LRRC37A3: variants seen among roughly 807,000 people sequenced by gnomAD.
The protein encoded by LRRC37A3 is leucine rich repeat containing 37 member A3.
Under a neutral mutation model 106.2 loss-of-function variants are expected in LRRC37A3, and 25 were observed. The observed-to-expected ratio is 0.24, with a 90% CI of 0.17 to 0.33. LRRC37A3 has a LOEUF of 0.33. LRRC37A3 is among the 10% of genes least tolerant of loss of function. The pLI is 1.00. For synonymous variants in LRRC37A3, 305 were observed against 635.8 expected, an observed-to-expected ratio of 0.48 and a Z score of 7.83; for missense variants, 712 against 1,644.9, an observed-to-expected ratio of 0.43 and a Z score of 9.81.
chr17:64,875,167 C>T (rs567016831), intron 8 of LRRC37A3, among the ~76,000 whole-genome samples: 2 of 152,230 alleles, frequency 1.3e-5, no homozygotes, highest in South Asian at 4.1e-4. Flanking sequence ...GTCTCAGCTA[C>T]CCAGGAGGCT....
intron 6 of LRRC37A3, among the ~76,000 whole-genome samples, chr17:64,887,583 A>T (rs1973866665): frequency 4.3e-5 from 2 of 46,358 alleles, no homozygotes; most frequent in Non-Finnish European, 8.2e-5. Context: ...AGCCACTTCA[A>T]TATCAGAAGA....
intron 2 of LRRC37A3, chr17:64,909,699 G>C (rs1482556553): frequency 6.6e-6 from 1 of 152,386 alleles, no homozygotes; most frequent in Non-Finnish European, 1.5e-5. Flanking sequence ...GATGCCTCAG[G>C]AGGCACGATT....
intron 13 of LRRC37A3, among the ~76,000 whole-genome samples, chr17:64,856,205 G>A (rs536257002): frequency 1.3e-5 from 2 of 152,008 alleles, no homozygotes; most frequent in Non-Finnish European, 2.9e-5. Context: ...TTTACTTAGC[G>A]ACAGGATTGC....
In LRRC37A3 at chr17:64,860,201, G is replaced by A. The variant is rs1320604973; in HGVS notation, c.3945C>T (p.Thr1315=). 2.5e-6 allele frequency: 4 copies of A among 1,613,958 alleles called. No homozygotes were observed. The African/African-American group carries it at 5.3e-5, about 22-fold the overall frequency. The change falls in exon 12 of 15, where the codon ACC becomes ACT. Residue 1315 remains threonine, a synonymous_variant. Coordinates refer to ENST00000584306, the MANE Select transcript of LRRC37A3 (RefSeq NM_199340.5). The part of the protein sequence containing the change: ...YRFHKTRSRM[T]HRTPKVKKSP... ...TCTTTTTGACCTTGGGTGTTCTGTG[G>A]GTCATGCGGGAGCGAGTTTTGTGAA...
chr17:64,868,127 C>T (rs1021840341), intron 10 of LRRC37A3, among the ~76,000 whole-genome samples: 14 of 152,178 alleles, frequency 9.2e-5, no homozygotes, highest in African/African-American at 2.2e-4. Flanking sequence ...CAAGAGGCTA[C>T]GTGCTATATG....
intron 8 of LRRC37A3, among the ~76,000 whole-genome samples, chr17:64,872,210 C>CAAAAAAAAAAAAA (rs60703427): frequency 1.6e-5 from 1 of 61,864 alleles, no homozygotes; most frequent in Non-Finnish European, 3.5e-5. Context: ...AAAAAATAGC[C>CAAAAAAAAAAAAA]AAAAAAAAAA....
rs756384249 is a variant in LRRC37A3 at position 64,860,458 on chromosome 17, C to T, written c.3688G>A (p.Ala1230Thr). The T allele has an allele frequency of 4.2e-5, 67 of 1,613,740 alleles. No homozygotes were observed. The highest frequency in any genetic ancestry group is 2.3e-4 in the South Asian group (21 of 91,060). ...GTGAACGAAGGCTTGGTGTAGACGG[C>T]GTTTCCCGCTAACTTCTCAGGCCCC... ...QQGPEKLAGN[A>T]VYTKPSFTQE... The change falls in exon 12 of 15, where the codon GCC becomes ACC. Residue 1230 changes from alanine to threonine, a missense_variant. By Grantham distance (58) the Ala-to-Thr change is moderately conservative. Transcript: ENST00000584306.
chr17:64,869,121 G>C lies in LRRC37A3; in HGVS notation c.2952C>G (p.Leu984=), dbSNP rs751073870. Residue 984 remains leucine, a synonymous_variant, in exon 9 of 15, where the codon CTC becomes CTG. Transcript: ENST00000584306. ...GATATTTTAATGCTGGCAATTTAAA[G>C]AGATATGGATCTTCAACAGTTGTCA... ...NPLTTVEDPY[L]FKLPALKYLD... 2.5e-6 allele frequency: 4 copies of C among 1,612,708 alleles called. No individual in the cohort carries two copies. The highest frequency in any genetic ancestry group is 2.2e-5 in the East Asian group (1 of 44,782).
intron 8 of LRRC37A3, among the ~76,000 whole-genome samples, chr17:64,874,073 CAAT>C (rs1973415238): frequency 6.6e-6 from 1 of 152,156 alleles, no homozygotes; most frequent in Non-Finnish European, 1.5e-5. Context: ...AAGGGATCCT[CAAT>C]AAGATTAATA....
chr17:64,884,340 C>T (rs376780538), intron 8 of LRRC37A3, among the ~76,000 whole-genome samples: 1,966 of 150,264 alleles, frequency 0.013, 41 homozygotes, highest in African/African-American at 0.045. Context: ...TAGATGATGA[C>T]GATGATGATT....
chr17:64,857,145 A>T (rs567109914), intron 13 of LRRC37A3, among the ~76,000 whole-genome samples: 1 of 152,386 alleles, frequency 6.6e-6, no homozygotes, highest in South Asian at 2.1e-4. Flanking sequence ...ACTGGAAGTA[A>T]TGAGGATTCA....
At chr17:64,859,109 A>T (rs1478566164) in intron 12 of LRRC37A3, among the ~76,000 whole-genome samples, 2 of 151,892 alleles carry the variant, frequency 1.3e-5, no homozygotes, top group African/African-American at 2.4e-5. Flanking sequence ...CGTGTCATCA[A>T]CCCAGCTAAT....
At chr17:64,919,398 G>C (rs1205150787) in intron 1 of LRRC37A3, 33 bp downstream of exon 1, 1 of 426,626 alleles carries the variant, frequency 2.3e-6, no homozygotes, top group African/African-American at 2.1e-5. Context: ...CGGTTGGAGG[G>C]AGAAGGCTCA....
chr17:64,860,661 T>C lies in LRRC37A3; in HGVS notation c.3485A>G (p.Gln1162Arg). ...AKIQTVGKNR[Q>R]RLNRVLMGPR... The stretch of plus-strand genomic sequence containing the variant: ...GCCCATGAGGACTCTATTCAGTCTC[T>C]GCCGGTTTTTGCCTACAGTTTGAAT... The change falls in exon 12 of 15, where the codon CAG becomes CGG. Residue 1162 changes from glutamine to arginine, a missense_variant. Gln to Arg is a conservative substitution (Grantham distance 43). Coordinates refer to ENST00000584306, the MANE Select transcript of LRRC37A3 (RefSeq NM_199340.5). The C allele has an allele frequency of 6.2e-7, 1 of 1,614,040 alleles. No homozygotes were observed. Among genetic ancestry groups the C allele is most frequent in the African/African-American group, 1.3e-5 (1 of 75,054 alleles).
chr17:64,860,540 T>C lies in LRRC37A3; in HGVS notation c.3606A>G (p.Glu1202=), dbSNP rs1972833556. 4 of 1,612,858 alleles carry C rather than the reference T, an allele frequency of 2.5e-6. No individual in the cohort carries two copies. Among genetic ancestry groups the C allele is most frequent in the Non-Finnish European group, 2.5e-6 (3 of 1,179,878 alleles). The stretch of plus-strand genomic sequence containing the variant: ...GGGCTGGACTTCCGAGCCTTTTTTC[T>C]TCGGCAGTGTTCTCCACAGATGCCT... ...GAQASVENTA[E]EKRLGSPAPR... The change falls in exon 12 of 15, where the codon GAA becomes GAG. Residue 1202 remains glutamate (E), a synonymous_variant. Coordinates refer to ENST00000584306, the MANE Select transcript of LRRC37A3 (RefSeq NM_199340.5).
At chr17:64,857,090 G>T (rs185814717) in intron 13 of LRRC37A3, among the ~76,000 whole-genome samples, 1 of 152,226 alleles carries the variant, frequency 6.6e-6, no homozygotes, top group Non-Finnish European at 1.5e-5. Context: ...CATACTAAAT[G>T]ATAAATGTTA....
chr17:64,916,329 C>T (rs28877284), intron 2 of LRRC37A3, among the ~76,000 whole-genome samples: 3,255 of 151,504 alleles, frequency 0.021, 74 homozygotes, highest in African/African-American at 0.075. Flanking sequence ...GGTGTGAACC[C>T]GGGAGGGGGA....
chr17:64,866,628 A>ATATATATATAT (rs1491179388), intron 10 of LRRC37A3, among the ~76,000 whole-genome samples: 3 of 17,870 alleles, frequency 1.7e-4, no homozygotes, highest in African/African-American at 2.7e-4. Context: ...ATATATATAT[A>ATATATATATAT]TTTTTTTTTT....
intron 11 of LRRC37A3, among the ~76,000 whole-genome samples, chr17:64,861,543 A>G (rs1262056123): frequency 6.6e-6 from 1 of 152,202 alleles, no homozygotes; most frequent in African/African-American, 2.4e-5. Context: ...CTCTGCTCCC[A>G]CGTGTGGTAG....
Sources: allele counts gnomAD v4.1 joint callset (sites outside exome capture counted in the v4.1 genomes callset), GRCh38; gene constraint gnomAD v4.1.1; transcripts MANE v1.5; gene names NCBI Gene and HGNC (gene_info 2026-07-23, HGNC 2026-07-21).